LRRC8D: variants seen among roughly 807,000 people sequenced by gnomAD.
LRRC8D encodes the protein leucine rich repeat containing 8 VRAC subunit D, also known as volume-regulated anion channel subunit LRRC8D.
Under a neutral mutation model 55.8 loss-of-function variants are expected in LRRC8D, and 20 were observed. The observed-to-expected ratio is 0.36, with a 90% CI of 0.25 to 0.52. The LOEUF is 0.52. Ranked by LOEUF, LRRC8D falls within the 20% of genes least tolerant of loss-of-function variation. The pLI, the probability that LRRC8D is intolerant of heterozygous loss-of-function variation, is 0.93. For missense variants in LRRC8D, 651 were observed against 1,030.8 expected, an observed-to-expected ratio of 0.63 and a Z score of 5.05; for synonymous variants, 352 against 377.0, an observed-to-expected ratio of 0.93 and a Z score of 0.77.
chr1:89,920,588 T>G (rs1240918054), intron 2 of LRRC8D, among the ~76,000 whole-genome samples: 1 of 152,062 alleles, frequency 6.6e-6, no homozygotes, highest in Admixed American at 6.6e-5. Flanking sequence ...CACCAGTGAC[T>G]TACGTTTCGT....
chr1:89,923,300 G>A (rs1663469338), intron 2 of LRRC8D, among the ~76,000 whole-genome samples: 1 of 152,148 alleles, frequency 6.6e-6, no homozygotes, highest in Non-Finnish European at 1.5e-5. Context: ...AAGAATATAT[G>A]CGATTAATAC....
At chr1:89,922,255 G>A (rs548218921) in intron 2 of LRRC8D, among the ~76,000 whole-genome samples, 9 of 151,454 alleles carry the variant, frequency 5.9e-5, no homozygotes, top group African/African-American at 1.5e-4. Flanking sequence ...ACTAGAGACC[G>A]GGTTTCATCA....
chr1:89,922,137 C>T (rs925496917), intron 2 of LRRC8D, among the ~76,000 whole-genome samples: 6 of 152,024 alleles, frequency 3.9e-5, no homozygotes, highest in Non-Finnish European at 5.9e-5. Flanking sequence ...GATCTTGGCT[C>T]GCTGAAACCT....
At chr1:89,852,288 G>A (rs1481752157) in intron 2 of LRRC8D, among the ~76,000 whole-genome samples, 1 of 152,118 alleles carries the variant, frequency 6.6e-6, no homozygotes, top group Non-Finnish European at 1.5e-5. Context: ...CTCATTAGAG[G>A]ACTTTATCAG....
chr1:89,900,486 A>G (rs1662822987), intron 2 of LRRC8D, among the ~76,000 whole-genome samples: 1 of 150,450 alleles, frequency 6.6e-6, no homozygotes, highest in South Asian at 2.1e-4. Context: ...AGTGAAGCAG[A>G]ATGCAGTTGA....
At chr1:89,868,192 T>C (rs1266095829) in intron 2 of LRRC8D, among the ~76,000 whole-genome samples, 1 of 152,232 alleles carries the variant, frequency 6.6e-6, no homozygotes. Flanking sequence ...ATACATTTTC[T>C]AGTACCTTGT....
At chr1:89,860,114 A>G (rs1661663854) in intron 2 of LRRC8D, among the ~76,000 whole-genome samples, 1 of 152,224 alleles carries the variant, frequency 6.6e-6, no homozygotes, top group African/African-American at 2.4e-5. Context: ...CTGGTTAATG[A>G]GCCTTTTATT....
At chr1:89,896,979 G>A (rs1329279954) in intron 2 of LRRC8D, among the ~76,000 whole-genome samples, 3 of 152,212 alleles carry the variant, frequency 2.0e-5, no homozygotes, top group Admixed American at 6.5e-5. Context: ...TGGTGGTTCA[G>A]TTTTTGCAGA....
At chr1:89,862,893 C>T (rs1042725692) in intron 2 of LRRC8D, among the ~76,000 whole-genome samples, 5 of 152,096 alleles carry the variant, frequency 3.3e-5, no homozygotes, top group African/African-American at 1.2e-4. Flanking sequence ...GGTGTTTTCT[C>T]CCGTGATTTC....
At chr1:89,895,409 A>G (rs1338214439) in intron 2 of LRRC8D, among the ~76,000 whole-genome samples, 2 of 152,184 alleles carry the variant, frequency 1.3e-5, no homozygotes, top group Non-Finnish European at 2.9e-5. Context: ...TTTTATCTCA[A>G]ATATCTGCTT....
At chr1:89,859,571 A>G (rs761486733) in intron 2 of LRRC8D, among the ~76,000 whole-genome samples, 3 of 152,236 alleles carry the variant, frequency 2.0e-5, no homozygotes, top group Non-Finnish European at 4.4e-5. Flanking sequence ...ACAGGGAAAG[A>G]GGATTATTTG....
In LRRC8D at chr1:89,906,849, GC is replaced by G. The variant is rs151027237; in HGVS notation, c.-2-26216del. ...ATCTCAGCTCAGCCTTGCTAGCAAG[GC>G]CTCCCAGGCTGCATATAGTTTGCTT... is the stretch of plus-strand genomic sequence containing the variant. On this transcript the variant is annotated intron_variant, in intron 2 of 2. Coordinates refer to ENST00000337338, the MANE Select transcript of LRRC8D (RefSeq NM_001134479.2). Among the ~76,000 whole-genome samples the G allele has an allele frequency of 7.1e-3, 1,075 of 152,044 alleles. 17 individuals carry two copies. Among genetic ancestry groups the G allele is most frequent in the African/African-American group, 0.024 (1,002 of 41,448 alleles).
intron 2 of LRRC8D, among the ~76,000 whole-genome samples, chr1:89,881,015 T>C (rs1662269255): frequency 6.6e-6 from 1 of 152,220 alleles, no homozygotes; most frequent in East Asian, 1.9e-4. Context: ...GAAATGACTC[T>C]GGAAAGTGAA....
At chr1:89,904,688 A>T (rs1445176603) in intron 2 of LRRC8D, among the ~76,000 whole-genome samples, 1 of 152,242 alleles carries the variant, frequency 6.6e-6, no homozygotes, top group Non-Finnish European at 1.5e-5. Flanking sequence ...TAGCATCCAG[A>T]GTCATGACTT....
chr1:89,891,567 G>C (rs1662581605), intron 2 of LRRC8D, among the ~76,000 whole-genome samples: 1 of 152,168 alleles, frequency 6.6e-6, no homozygotes, highest in South Asian at 2.1e-4. Context: ...AACAGTTATT[G>C]CTGTAATGTT....
chr1:89,903,232 A>G (rs916129779), intron 2 of LRRC8D, among the ~76,000 whole-genome samples: 4 of 149,614 alleles, frequency 2.7e-5, no homozygotes, highest in Admixed American at 6.6e-5. Context: ...TGCTGGAGAC[A>G]GCATGGGGAA....
At chr1:89,859,934 T>A (rs1195471328) in intron 2 of LRRC8D, among the ~76,000 whole-genome samples, 2 of 152,260 alleles carry the variant, frequency 1.3e-5, no homozygotes, top group Admixed American at 6.5e-5. Flanking sequence ...TTTCTCTGCC[T>A]GTTTTAGAAC....
intron 2 of LRRC8D, among the ~76,000 whole-genome samples, chr1:89,924,375 C>G (rs747353417): frequency 3.9e-5 from 6 of 152,158 alleles, no homozygotes; most frequent in Admixed American, 1.3e-4. Context: ...GTGAGATACC[C>G]TCTCACACCA....
intron 2 of LRRC8D, among the ~76,000 whole-genome samples, chr1:89,901,593 C>G (rs1033017650): frequency 1.3e-5 from 2 of 152,196 alleles, no homozygotes; most frequent in African/African-American, 4.8e-5. Flanking sequence ...GCCTGCCTCT[C>G]TGTATCTGGA....
Sources: allele counts gnomAD v4.1 joint callset (sites outside exome capture counted in the v4.1 genomes callset), GRCh38; gene constraint gnomAD v4.1.1; transcripts MANE v1.5; gene names NCBI Gene and HGNC (gene_info 2026-07-23, HGNC 2026-07-21).